The following CRACR2A variants were observed in gnomAD, a reference collection of about 807,000 sequenced individuals.
CRACR2A encodes the protein calcium release activated channel regulator 2A.
CRACR2A carries 79 observed loss-of-function variants against 90.5 expected under a neutral mutation model. That is an observed-to-expected ratio of 0.87 (90% CI 0.73 to 1.05). The LOEUF (loss-of-function observed/expected upper bound fraction) is 1.05, where lower values mean the gene tolerates loss of function less well. CRACR2A is among the 50% of genes least tolerant of loss of function. The pLI, the probability that CRACR2A is intolerant of heterozygous loss-of-function variation, is 0.00. For synonymous variants in CRACR2A, 338 were observed against 356.7 expected, an observed-to-expected ratio of 0.95 and a Z score of 0.59; for missense variants, 823 against 897.2, an observed-to-expected ratio of 0.92 and a Z score of 1.06.
At chr12:3,634,663 C>G (rs1258178397) in intron 14 of CRACR2A, among the ~76,000 whole-genome samples, 1 of 152,198 alleles carries the variant, frequency 6.6e-6, no homozygotes, top group Non-Finnish European at 1.5e-5. Context: ...TGGGGAGGCT[C>G]TTTTGAATCT....
intron 6 of CRACR2A, among the ~76,000 whole-genome samples, chr12:3,675,458 A>G (rs1945319889): frequency 6.6e-6 from 1 of 152,220 alleles, no homozygotes; most frequent in Non-Finnish European, 1.5e-5. Context: ...TGATTAGATC[A>G]TGAAGGCAGA....
At chr12:3,641,417 C>T (rs1944567816) in intron 13 of CRACR2A, among the ~76,000 whole-genome samples, 1 of 152,182 alleles carries the variant, frequency 6.6e-6, no homozygotes, top group Admixed American at 6.5e-5. Flanking sequence ...GTAGTGCTAC[C>T]CAGCTACACA....
intron 4 of CRACR2A, among the ~76,000 whole-genome samples, chr12:3,682,113 TAAG>T (rs1945466302): frequency 6.6e-6 from 1 of 152,154 alleles, no homozygotes; most frequent in African/African-American, 2.4e-5. Context: ...TCATTGGAAA[TAAG>T]AAGCATCACA....
intron 3 of CRACR2A, among the ~76,000 whole-genome samples, chr12:3,708,502 A>G (rs568933430): frequency 3.3e-5 from 5 of 152,104 alleles, no homozygotes; most frequent in South Asian, 4.1e-4. Flanking sequence ...TCGGCTCACT[A>G]CAAGCTCCGC....
chr12:3,629,102 C>T lies in CRACR2A; in HGVS notation c.1736-1396G>A, dbSNP rs143185241. Among the ~76,000 whole-genome samples the T allele has an allele frequency of 8.3e-4, 126 of 152,288 alleles. 1 individual carries two copies. The highest frequency in any genetic ancestry group is 2.9e-3 in the African/African-American group (120 of 41,550). On this transcript the variant is annotated intron_variant, in intron 15 of 19. Transcript: ENST00000440314. ...CTCCCTCTTCACCTTCACAGAGTCC[C>T]ACTGTGACATCCATGTGAGTTATCT... is the stretch of plus-strand genomic sequence containing the variant.
At chr12:3,676,244 T>G (rs894365195) in intron 6 of CRACR2A, among the ~76,000 whole-genome samples, 3 of 152,174 alleles carry the variant, frequency 2.0e-5, no homozygotes, top group Admixed American at 6.5e-5. Context: ...AACCTCTCTG[T>G]TTCTCAGAAT....
At position 3,624,889 on chromosome 12, in the gene CRACR2A, G is replaced by A. The variant is rs76512221; in HGVS notation, c.1932+2547C>T. Among the ~76,000 whole-genome samples the A allele has an allele frequency of 2.4e-3, 362 of 152,286 alleles. 3 individuals carry two copies. Among genetic ancestry groups the A allele is most frequent in the African/African-American group, 8.3e-3 (346 of 41,558 alleles). The stretch of plus-strand genomic sequence containing the variant: ...GGGTTCAAGGAGCGCTTGTTTAGCC[G>A]GGAACAGTGGTGGCTGAGAATCAAA... On this transcript the variant is annotated intron_variant, in intron 17 of 19. Coordinates refer to ENST00000440314, the MANE Select transcript of CRACR2A (RefSeq NM_001144958.2).
intron 14 of CRACR2A, among the ~76,000 whole-genome samples, chr12:3,637,682 T>G (rs76626212): frequency 0.025 from 3,841 of 151,660 alleles, 143 homozygotes; most frequent in African/African-American, 0.087. Context: ...AAAAAAAAAA[T>G]CAAATGTTTA....
At chr12:3,629,587 C>A (rs1264238373) in intron 15 of CRACR2A, among the ~76,000 whole-genome samples, 1 of 152,220 alleles carries the variant, frequency 6.6e-6, no homozygotes, top group Non-Finnish European at 1.5e-5. Context: ...TGCAGGTAGA[C>A]GGGCAGGGAG....
At chr12:3,721,780 G>GTA (rs1402890063) in intron 2 of CRACR2A, among the ~76,000 whole-genome samples, 3 of 152,152 alleles carry the variant, frequency 2.0e-5, no homozygotes, top group Non-Finnish European at 4.4e-5. Context: ...TGTTTATTGG[G>GTA]TTTATGGGTG....
Position 3,648,634 on chromosome 12 carries a change from T to C in CRACR2A, c.1047-21A>G, listed in dbSNP as rs1418451875. The C allele has an allele frequency of 1.7e-5, 28 of 1,603,986 alleles. No homozygotes were observed. The East Asian group carries it at 6.0e-4, about 35-fold the overall frequency. Reference sequence around the variant, plus strand: ...CTTCCCTGAGGAGGAGGCAAACACATGGCAGTGAGCTCCCAGGTGGAAGCC... The same window carrying C: ...CTTCCCTGAGGAGGAGGCAAACACACGGCAGTGAGCTCCCAGGTGGAAGCC... On this transcript the variant is annotated intron_variant, in intron 10 of 19. Transcript: ENST00000440314.
rs1403775335 is a variant in CRACR2A at position 3,746,611 on chromosome 12, A to C, written c.-387+6404T>G. ...GATATTTTGTTCTGTCTGCCAGAAC[A>C]AAGACATCCCCTCAAAGGGAGTATG... On this transcript the variant is annotated intron_variant, in intron 1 of 19. Transcript: ENST00000440314. This position sits in a 1 kb window ranked among gnomAD's most constrained non-coding sequence, Gnocchi z 4.4. 6.6e-6 allele frequency among the ~76,000 whole-genome samples: 1 copy of C among 152,244 alleles called. No homozygotes were observed. Among genetic ancestry groups the C allele is most frequent in the Non-Finnish European group, 1.5e-5 (1 of 68,034 alleles).
At chr12:3,643,885 TTAATATA>T (rs1216351693) in intron 12 of CRACR2A, among the ~76,000 whole-genome samples, 514 of 45,330 alleles carry the variant, frequency 0.011, 4 homozygotes, top group Non-Finnish European at 0.016. Flanking sequence ...TATATTTATA[TTAATATA>T]TAATATATAT....
chr12:3,713,427 G>A (rs575044502), intron 2 of CRACR2A, 110 bp from the exon 3 acceptor site: 46 of 339,150 alleles, frequency 1.4e-4, no homozygotes, highest in Non-Finnish European at 1.8e-4. Context: ...TGCTCCTACC[G>A]CATTGCAGTG....
At chr12:3,700,136 C>T (rs535513084) in intron 3 of CRACR2A, among the ~76,000 whole-genome samples, 1 of 152,186 alleles carries the variant, frequency 6.6e-6, no homozygotes, top group African/African-American at 2.4e-5. Flanking sequence ...AAGACATCTA[C>T]TCTCAGGAGC....
At chr12:3,679,322 T>A (rs111591078) in intron 5 of CRACR2A, among the ~76,000 whole-genome samples, 1 of 152,242 alleles carries the variant, frequency 6.6e-6, no homozygotes, top group Admixed American at 6.5e-5. Flanking sequence ...AATCTGGGAA[T>A]GGCAGAATGT....
rs1946632069 is a variant in CRACR2A at position 3,746,648 on chromosome 12, C to T, written c.-387+6367G>A. ...TCAAAGGGAGTATGCATGCCTACTA[C>T]AGGGACCACCCCTCTCTTCTTAGAC... On this transcript the variant is annotated intron_variant, in intron 1 of 19. Transcript: ENST00000440314. This position sits in a 1 kb window ranked among gnomAD's most constrained non-coding sequence, Gnocchi z 4.4. 6.6e-6 allele frequency among the ~76,000 whole-genome samples: 1 copy of T among 152,252 alleles called. No homozygotes were observed. Among genetic ancestry groups the T allele is most frequent in the Admixed American group, 6.5e-5 (1 of 15,290 alleles).
chr12:3,683,675 T>C (rs1732485687), intron 4 of CRACR2A, among the ~76,000 whole-genome samples: 1 of 152,226 alleles, frequency 6.6e-6, no homozygotes, highest in Non-Finnish European at 1.5e-5. Flanking sequence ...TAGATGTGAC[T>C]CATTGATGAA....
At chr12:3,693,718 T>G (rs1945691722) in intron 4 of CRACR2A, among the ~76,000 whole-genome samples, 1 of 152,174 alleles carries the variant, frequency 6.6e-6, no homozygotes, top group Admixed American at 6.5e-5. Flanking sequence ...TGACCTGACC[T>G]TTCTCCATAG....
Sources: gnomAD v4.1 joint callset for allele counts (sites outside exome capture counted in the v4.1 genomes callset) on GRCh38, gnomAD v4.1.1 for gene constraint, Gnocchi (gnomAD v3.1) non-coding constraint, MANE v1.5 for transcripts, NCBI Gene and HGNC (gene_info 2026-07-23, HGNC 2026-07-21) for gene names.